The following PACSIN2 variants were observed in gnomAD, a reference collection of about 807,000 sequenced individuals.
The protein encoded by PACSIN2 is protein kinase C and casein kinase substrate in neurons protein 2.
A neutral mutation model predicts 63.8 loss-of-function variants in PACSIN2; 25 were observed. That is an observed-to-expected ratio of 0.39 (90% confidence interval 0.29 to 0.55). The LOEUF (loss-of-function observed/expected upper bound fraction) is 0.55. Among genes scored for constraint, PACSIN2 ranks in the 20% least tolerant of loss-of-function variants. The pLI is 0.62. For synonymous variants in PACSIN2, 255 were observed against 256.2 expected (o/e 1.00, Z 0.05); for missense variants, 518 against 646.9 (o/e 0.80, Z 2.16).
intron 1 of PACSIN2, among the ~76,000 whole-genome samples, chr22:42,973,318 C>T (rs1000196115): frequency 6.6e-6 from 1 of 152,190 alleles, no homozygotes; most frequent in African/African-American, 2.4e-5. Context: ...CAAGGCAATC[C>T]CTCCTGAGCA....
At chr22:42,945,091 C>T (rs1445560121) in intron 1 of PACSIN2, among the ~76,000 whole-genome samples, 1 of 104,190 alleles carries the variant, frequency 9.6e-6, no homozygotes, top group Non-Finnish European at 1.9e-5. Flanking sequence ...GGGCAAGACT[C>T]GTCTCAAAAA....
At chr22:42,999,853 TC>T (rs1923654685) in intron 1 of PACSIN2, among the ~76,000 whole-genome samples, 1 of 152,152 alleles carries the variant, frequency 6.6e-6, no homozygotes, top group Non-Finnish European at 1.5e-5. Flanking sequence ...TGAGCCTATT[TC>T]CTCAACTGTA....
At chr22:42,920,059 G>A (rs1367357423) in intron 1 of PACSIN2, among the ~76,000 whole-genome samples, 2 of 151,844 alleles carry the variant, frequency 1.3e-5, no homozygotes, top group Non-Finnish European at 2.9e-5. Flanking sequence ...AGTGAGCTAC[G>A]ATCATACTGC....
intron 1 of PACSIN2, among the ~76,000 whole-genome samples, chr22:43,003,400 G>A (rs891901460): frequency 2.0e-4 from 31 of 152,300 alleles, no homozygotes; most frequent in Non-Finnish European, 4.3e-4. Context: ...TCAGGAGATA[G>A]AGACCATCCT....
intron 8 of PACSIN2, among the ~76,000 whole-genome samples, chr22:42,877,288 C>T (rs1360898003): frequency 6.6e-6 from 1 of 152,120 alleles, no homozygotes; most frequent in Non-Finnish European, 1.5e-5. Flanking sequence ...GGCCCAGGGG[C>T]GGGTGACAAG....
chr22:42,935,958 A>G (rs1932903684), intron 1 of PACSIN2, among the ~76,000 whole-genome samples: 1 of 152,190 alleles, frequency 6.6e-6, no homozygotes, highest in Non-Finnish European at 1.5e-5. Context: ...TCACGCCTGT[A>G]ATCCCAGCAC....
At chr22:42,904,191 G>A (rs1188758191) in intron 2 of PACSIN2, among the ~76,000 whole-genome samples, 1 of 152,226 alleles carries the variant, frequency 6.6e-6, no homozygotes, top group African/African-American at 2.4e-5. Context: ...AAGGCCGTCG[G>A]CCAGGCTCCC....
At position 42,886,447 on chromosome 22, in the gene PACSIN2, GGTAGGTAT is replaced by G. The variant is rs753552746; in HGVS notation, c.610-1894_610-1887del. Among the ~76,000 whole-genome samples, 1,307 of 140,822 alleles carry G rather than the reference GGTAGGTAT, an allele frequency of 9.3e-3. 13 individuals carry two copies. Among genetic ancestry groups the G allele is most frequent in the East Asian group, 0.017 (86 of 5,078 alleles). 92.4% of individuals were successfully genotyped at this position (140,822 alleles called of 152,430 possible). A position where few individuals can be genotyped will look rare whatever the true frequency, so the allele number is the denominator to read the frequency against. ...AGGTAGGTAGGTAGGTAGGTAGGTA[GGTAGGTAT>G]GTATGTACCTACCTACTTACCTACT... On this transcript the variant is annotated intron_variant, in intron 5 of 10. Coordinates refer to ENST00000263246, the MANE Select transcript of PACSIN2 (RefSeq NM_001184970.3).
chr22:42,971,548 C>G (rs1389651953), intron 1 of PACSIN2, among the ~76,000 whole-genome samples: 2 of 152,030 alleles, frequency 1.3e-5, no homozygotes, highest in Non-Finnish European at 2.9e-5. Context: ...GGCAGCCCAT[C>G]GTCTGGGATG....
intron 1 of PACSIN2, among the ~76,000 whole-genome samples, chr22:42,987,530 CTTTTT>C (rs1160565529): frequency 3.8e-5 from 2 of 52,026 alleles, no homozygotes; most frequent in Admixed American, 3.4e-4. Context: ...CACATTCATT[CTTTTT>C]TTTTTTTTTT....
At chr22:42,972,728 A>AAGCAC (rs1374024119) in intron 1 of PACSIN2, among the ~76,000 whole-genome samples, 5 of 152,070 alleles carry the variant, frequency 3.3e-5, no homozygotes, top group Admixed American at 1.3e-4. Context: ...TCACTCTAAG[A>AAGCAC]AAAGTCAGCC....
chr22:43,009,380 A>C (rs746915057), intron 1 of PACSIN2, among the ~76,000 whole-genome samples: 6 of 152,256 alleles, frequency 3.9e-5, no homozygotes, highest in Non-Finnish European at 8.8e-5. Context: ...AGTCATCATT[A>C]TTATTAGCTC....
chr22:42,969,999 T>C (rs1049837525), intron 1 of PACSIN2, among the ~76,000 whole-genome samples: 1 of 151,774 alleles, frequency 6.6e-6, no homozygotes, highest in African/African-American at 2.4e-5. Context: ...GTTTCACCTG[T>C]GATGTGAAAA....
intron 1 of PACSIN2, among the ~76,000 whole-genome samples, chr22:42,987,493 C>CACACACACACACACACACACACA (rs1569355103): frequency 2.2e-5 from 2 of 91,358 alleles, no homozygotes; most frequent in African/African-American, 5.2e-5. Context: ...CACACACACA[C>CACACACACACACACACACACACA]CCATGGCACC....
At chr22:42,994,171 CTT>C (rs774216674) in intron 1 of PACSIN2, among the ~76,000 whole-genome samples, 3 of 152,170 alleles carry the variant, frequency 2.0e-5, no homozygotes, top group African/African-American at 4.8e-5. Context: ...TAGAGGGAAA[CTT>C]TGGGTAAAAT....
At position 42,891,190 on chromosome 22, in the gene PACSIN2, G is replaced by A. The variant is rs963823642; in HGVS notation, c.218-8C>T. 1.9e-6 allele frequency: 3 copies of A among 1,603,048 alleles called. No homozygotes were observed. Among genetic ancestry groups the A allele is most frequent in the Admixed American group, 1.7e-5 (1 of 59,960 alleles). On this transcript the variant is annotated splice_polypyrimidine_tract_variant and splice_region_variant and intron_variant, in intron 3 of 10. Coordinates refer to ENST00000263246, the MANE Select transcript of PACSIN2 (RefSeq NM_001184970.3). ...CGGTCCCGTACTGGGGCCCTGTGCA[G>A]GGGAGAGAAGCTGCGGGTCACTCAG...
At chr22:42,960,730 G>A (rs1395482130) in intron 1 of PACSIN2, among the ~76,000 whole-genome samples, 1 of 152,198 alleles carries the variant, frequency 6.6e-6, no homozygotes, top group East Asian at 1.9e-4. Context: ...GCAGGAAGGG[G>A]TGCCAGGAGG....
chr22:42,968,033 G>A (rs959389808), intron 1 of PACSIN2, among the ~76,000 whole-genome samples: 1 of 152,202 alleles, frequency 6.6e-6, no homozygotes, highest in Non-Finnish European at 1.5e-5. Flanking sequence ...TGCAAGGTGG[G>A]AGTACTGCGC....
rs1244696504 is a variant in PACSIN2 at position 42,982,876 on chromosome 22, A to ACAAAAACAAAAAC, written c.-78+32144_-78+32145insGTTTTTGTTTTTG. On this transcript the variant is annotated intron_variant, in intron 1 of 10. Coordinates refer to ENST00000263246, the MANE Select transcript of PACSIN2 (RefSeq NM_001184970.3). ...ACACCAAAGAATGATCAATAAAAAA[A>ACAAAAACAAAAAC]AAAAAAAAAAAAAACAACAACAAGG... 3.8e-3 allele frequency among the ~76,000 whole-genome samples: 492 copies of ACAAAAACAAAAAC among 131,154 alleles called. 5 individuals are homozygous for ACAAAAACAAAAAC. Among genetic ancestry groups the ACAAAAACAAAAAC allele is most frequent in the African/African-American group, 0.014 (481 of 34,774 alleles). The allele number at this position is 131,154 out of a possible 152,430, so 86.0% of individuals were successfully genotyped here.
Sources: gnomAD v4.1 joint callset for allele counts (sites outside exome capture counted in the v4.1 genomes callset) on GRCh38, gnomAD v4.1.1 for gene constraint, MANE v1.5 for transcripts, NCBI Gene and HGNC (gene_info 2026-07-23, HGNC 2026-07-21) for gene names.